PARP8: variants seen among roughly 807,000 people sequenced by gnomAD.
PARP8 encodes protein mono-ADP-ribosyltransferase PARP8.
A neutral mutation model predicts 124.1 loss-of-function variants in PARP8; 51 were observed. The ratio of observed to expected loss-of-function variants is 0.41; its 90% CI spans 0.33 to 0.52. The LOEUF (loss-of-function observed/expected upper bound fraction) is 0.52, where lower values mean the gene tolerates loss of function less well. Ranked by LOEUF, PARP8 falls within the 20% of genes least tolerant of loss-of-function variation. The probability of loss-of-function intolerance (pLI) is 0.21; values close to 1 mark genes in which losing one functional copy is unlikely to be tolerated. For synonymous variants in PARP8, 391 were observed against 361.5 expected (o/e 1.08, Z -0.93); for missense variants, 860 against 1,018.9 (o/e 0.84, Z 2.12).
intron 14 of PARP8, among the ~76,000 whole-genome samples, chr5:50,807,080 G>GT (rs909977592): frequency 7.3e-4 from 106 of 145,312 alleles, no homozygotes; most frequent in Admixed American, 9.7e-4. Context: ...ACTGTCCCAT[G>GT]TTTTTTTTTT....
intron 2 of PARP8, among the ~76,000 whole-genome samples, chr5:50,688,332 G>A (rs1225214964): frequency 3.9e-5 from 6 of 152,152 alleles, no homozygotes; most frequent in Non-Finnish European, 8.8e-5. Context: ...CACAGCATCT[G>A]CAACACAAGT....
intron 2 of PARP8, among the ~76,000 whole-genome samples, chr5:50,704,756 C>T (rs977146821): frequency 3.3e-5 from 5 of 152,158 alleles, no homozygotes; most frequent in African/African-American, 7.2e-5. Context: ...ATTTCATCTA[C>T]TCTTTACCTT....
At chr5:50,766,951 G>A (rs1761114619) in intron 7 of PARP8, among the ~76,000 whole-genome samples, 1 of 152,152 alleles carries the variant, frequency 6.6e-6, no homozygotes, top group Non-Finnish European at 1.5e-5. Context: ...CATTTGTAGT[G>A]GCCAGTAGGA....
chr5:50,835,515 G>A (rs1747478350), intron 25 of PARP8, among the ~76,000 whole-genome samples: 1 of 152,008 alleles, frequency 6.6e-6, no homozygotes, highest in South Asian at 2.1e-4. Context: ...CTCCAGCCTG[G>A]GTGACAGGGA....
chr5:50,733,875 C>T lies in PARP8; in HGVS notation c.147-16276C>T, dbSNP rs548441743. ...TGTCCATCTTTTCCTTAAATCTCTA[C>T]TACTTACTTGTTTCTGGTACGTTCT... On this transcript the variant is annotated intron_variant, in intron 2 of 25. Transcript: ENST00000281631. Among the ~76,000 whole-genome samples, 4 of 152,204 alleles carry T rather than the reference C, an allele frequency of 2.6e-5. No individual in the cohort carries two copies. The East Asian group carries it at 7.7e-4, about 29-fold the overall frequency.
At chr5:50,680,005 A>G (rs1743194376) in intron 2 of PARP8, among the ~76,000 whole-genome samples, 1 of 152,212 alleles carries the variant, frequency 6.6e-6, no homozygotes, top group African/African-American at 2.4e-5. Context: ...CGTTAGAAAA[A>G]GGTGGCTGGA....
chr5:50,842,663 A>T lies in PARP8; in HGVS notation c.*595A>T, dbSNP rs1475126728. On this transcript the variant is annotated 3_prime_UTR_variant, in exon 26 of 26. Transcript: ENST00000281631. ...CATGCATCAAAATGTGTGGTTGTGA[A>T]TATATTTGTGTATATTCACACGTAT... 6.6e-6 allele frequency: 1 copy of T among 151,766 alleles called. No homozygotes were observed. The highest frequency in any genetic ancestry group is 1.9e-4 in the East Asian group (1 of 5,178). 9.4% of individuals were successfully genotyped at this position (151,766 alleles called of 1,614,324 possible).
chr5:50,667,938 T>A, intron 1 of PARP8, 133 bp from the exon 2 acceptor site: 1 of 1,549,742 alleles, frequency 6.5e-7, no homozygotes, highest in East Asian at 2.3e-5. Flanking sequence ...CAGAGGGACC[T>A]CGCCGCCCTC....
At chr5:50,803,496 C>CTTTG (rs1324179298) in intron 14 of PARP8, among the ~76,000 whole-genome samples, 1 of 152,064 alleles carries the variant, frequency 6.6e-6, no homozygotes, top group Non-Finnish European at 1.5e-5. Context: ...CCATAGATCT[C>CTTTG]TTACACTTTG....
chr5:50,764,840 A>C (rs1188589500), intron 7 of PARP8, among the ~76,000 whole-genome samples: 2 of 151,464 alleles, frequency 1.3e-5, no homozygotes, highest in Admixed American at 1.3e-4. Flanking sequence ...CAGTAATTGA[A>C]CTTTGCTTGA....
chr5:50,826,219 T>C (rs1372930304), intron 18 of PARP8, among the ~76,000 whole-genome samples: 1 of 152,132 alleles, frequency 6.6e-6, no homozygotes. Context: ...TATAGAGCAG[T>C]TCCTTTCAGA....
chr5:50,736,409 T>C (rs991439938), intron 2 of PARP8, among the ~76,000 whole-genome samples: 2 of 152,176 alleles, frequency 1.3e-5, no homozygotes, highest in East Asian at 1.9e-4. Flanking sequence ...ATTTGGAACA[T>C]TTTAGTTACC....
intron 7 of PARP8, among the ~76,000 whole-genome samples, chr5:50,775,694 A>T (rs1739928080): frequency 6.6e-6 from 1 of 152,094 alleles, no homozygotes; most frequent in African/African-American, 2.4e-5. Context: ...TATTTTTCAG[A>T]TAGTTCATTA....
intron 2 of PARP8, among the ~76,000 whole-genome samples, chr5:50,716,486 C>T (rs1755333187): frequency 6.6e-6 from 1 of 152,066 alleles, no homozygotes; most frequent in Non-Finnish European, 1.5e-5. Flanking sequence ...ACTTTCCCTA[C>T]AGGGTAAAAA....
At chr5:50,773,525 G>C (rs1761838224) in intron 7 of PARP8, among the ~76,000 whole-genome samples, 1 of 152,110 alleles carries the variant, frequency 6.6e-6, no homozygotes, top group South Asian at 2.1e-4. Context: ...TGTTTCGTTG[G>C]TCTACATGTC....
chr5:50,817,634 T>C (rs1288051274), intron 15 of PARP8, among the ~76,000 whole-genome samples: 2 of 152,216 alleles, frequency 1.3e-5, no homozygotes, highest in Non-Finnish European at 2.9e-5. Flanking sequence ...ATTTTATTTG[T>C]TTAGATATTG....
intron 2 of PARP8, among the ~76,000 whole-genome samples, chr5:50,679,591 C>T (rs189961820): frequency 2.2e-4 from 33 of 152,256 alleles, no homozygotes; most frequent in Non-Finnish European, 1.3e-4. Context: ...TTGGCAATTT[C>T]GACTGGCTTT....
intron 2 of PARP8, among the ~76,000 whole-genome samples, chr5:50,677,564 G>C (rs1750777624): frequency 6.6e-6 from 1 of 152,114 alleles, no homozygotes; most frequent in African/African-American, 2.4e-5. Flanking sequence ...AATGAGAATT[G>C]TATTTGGCTC....
intron 11 of PARP8, among the ~76,000 whole-genome samples, chr5:50,794,582 T>G (rs1020413013): frequency 6.6e-6 from 1 of 152,236 alleles, no homozygotes; most frequent in Non-Finnish European, 1.5e-5. Context: ...CTAGAGTTTT[T>G]CCTACCAAAA....
Sources: gnomAD v4.1 joint callset for allele counts (sites outside exome capture counted in the v4.1 genomes callset) on GRCh38, gnomAD v4.1.1 for gene constraint, MANE v1.5 for transcripts, NCBI Gene and HGNC (gene_info 2026-07-23, HGNC 2026-07-21) for gene names.